Variants in SERPINA1 observed in about 807,000 individuals in gnomAD.
The protein encoded by SERPINA1 is serpin family A member 1.
In SERPINA1, 21 loss-of-function variants were observed where a neutral mutation model predicts 25.4. The observed-to-expected ratio is 0.83, with a 90% CI of 0.59 to 1.19. The LOEUF is 1.19. Among genes scored for constraint, SERPINA1 ranks in the 50% most tolerant of loss-of-function variants. The pLI, the probability that SERPINA1 is intolerant of heterozygous loss-of-function variation, is 0.00. For synonymous variants in SERPINA1, 218 were observed against 211.1 expected (o/e 1.03, Z -0.29); for missense variants, 546 against 509.0 (o/e 1.07, Z -0.70).
chr14:94,378,084 G>A lies in SERPINA1; in HGVS notation c.*365C>T, dbSNP rs1375472055. 2 of 285,736 alleles carry A rather than the reference G, an allele frequency of 7.0e-6. No individual in the cohort carries two copies. The highest frequency in any genetic ancestry group is 1.3e-5 in the Non-Finnish European group (2 of 150,678). 17.7% of individuals were successfully genotyped at this position (285,736 alleles called of 1,614,324 possible). A position where few individuals can be genotyped will look rare whatever the true frequency, so the allele number is the denominator to read the frequency against. On this transcript the variant is annotated 3_prime_UTR_variant, in exon 5 of 5. Transcript: ENST00000393087. ...ATGAAGATGCTTGGTGGAGCCTGGG[G>A]TCATGGCTGGTATCTGGTTCCTCCC... is the stretch of plus-strand genomic sequence containing the variant.
At chr14:94,382,510 A>G in intron 2 of SERPINA1, 82 bp downstream of exon 2, 2 of 1,561,390 alleles carry the variant, frequency 1.3e-6, no homozygotes, top group Non-Finnish European at 1.8e-6. Flanking sequence ...ATGCATTGCC[A>G]AGGAGAGTTC....
At position 94,382,971 on chromosome 14, in the gene SERPINA1, G is replaced by A; in HGVS notation, c.267C>T (p.Ser89=). Reference sequence around the variant, plus strand: ...CGTGAGTGTCAGCCTTGGTCCCCAGGGAGAGCATTGCAAAGGCTGTAGCGA... The same window carrying A: ...CGTGAGTGTCAGCCTTGGTCCCCAGAGAGAGCATTGCAAAGGCTGTAGCGA... ...VSIATAFAML[S]LGTKADTHDE... Residue 89 remains serine (S), a synonymous_variant, in exon 2 of 5, where the codon TCC becomes TCT. Transcript: ENST00000393087. 1 of 1,608,218 alleles carries A rather than the reference G, an allele frequency of 6.2e-7. No individual in the cohort carries two copies. The highest frequency in any genetic ancestry group is 8.5e-7 in the Non-Finnish European group (1 of 1,175,542).
intron 1 of SERPINA1, among the ~76,000 whole-genome samples, chr14:94,384,738 GA>G (rs1341516679): frequency 1.3e-5 from 2 of 152,052 alleles, no homozygotes; most frequent in Non-Finnish European, 2.9e-5. Flanking sequence ...AAAATACAAA[GA>G]AAAAGGTGTC....
Position 94,381,114 on chromosome 14 carries a change from T to C in SERPINA1, c.674A>G (p.Lys225Arg). 6.2e-7 allele frequency: 1 copy of C among 1,613,340 alleles called. No homozygotes were observed. ...GTGGAAGTCCTCTTCCTCGGTGTCC[T>C]TGACTTCAAAGGGTCTCTCCCATTT... ...KGKWERPFEV[K>R]DTEEEDFHVD... The change falls in exon 3 of 5, where the codon AAG becomes AGG. Residue 225 changes from lysine to arginine, a missense_variant. Lys to Arg is a conservative substitution (Grantham distance 26, BLOSUM62 2). Coordinates refer to ENST00000393087, the MANE Select transcript of SERPINA1 (RefSeq NM_000295.5).
chr14:94,389,024 G>C (rs1233428680), upstream of SERPINA1: 1 of 152,298 alleles, frequency 6.6e-6, no homozygotes, highest in Non-Finnish European at 1.5e-5. Flanking sequence ...GGAGATCAGA[G>C]TGGGTTAGAG....
chr14:94,386,317 C>T (rs1247043032), intron 1 of SERPINA1, among the ~76,000 whole-genome samples: 2 of 152,126 alleles, frequency 1.3e-5, no homozygotes, highest in African/African-American at 2.4e-5. Flanking sequence ...GACAGGGAAG[C>T]GAGCCACTCC....
chr14:94,380,399 C>A (rs114991578), intron 3 of SERPINA1, among the ~76,000 whole-genome samples: 1,555 of 152,346 alleles, frequency 0.01, 21 homozygotes, highest in African/African-American at 0.035. Flanking sequence ...CTTCTGCGAA[C>A]ATGGCCTGGC....
Position 94,379,462 on chromosome 14 carries a change from A to C in SERPINA1, c.1065+2T>G, listed in dbSNP as rs879042153. 6.2e-7 allele frequency: 1 copy of C among 1,613,950 alleles called. No individual in the cohort carries two copies. The highest frequency in any genetic ancestry group is 8.5e-7 in the Non-Finnish European group (1 of 1,180,008). ...GCAACAAGGTCGTCAGGGTGATCTC[A>C]CCTTGGAGAGCTTCAGGGGTGCCTC... On this transcript the variant is annotated splice_donor_variant, in intron 4 of 4. Transcript: ENST00000393087. LOFTEE classifies it high-confidence loss of function.
In SERPINA1 at chr14:94,380,955, A is replaced by G. The variant is rs1566753480; in HGVS notation, c.833T>C (p.Leu278Pro). Residue 278 changes from leucine to proline, a missense_variant, in exon 3 of 5, where the codon CTG becomes CCG. Physicochemically the swap from Leu to Pro is moderately conservative, Grantham distance 98. Coordinates refer to ENST00000393087, the MANE Select transcript of SERPINA1 (RefSeq NM_000295.5). Reference sequence around the variant, plus strand: ...GTGCTGTAGTTTCCCCTCATCAGGCAGGAAGAAGATGGCGGTGGCATTGCC... The same window carrying G: ...GTGCTGTAGTTTCCCCTCATCAGGCGGGAAGAAGATGGCGGTGGCATTGCC... Reference protein sequence around the residue: ...YLGNATAIFFLPDEGKLQHLE... With the variant: ...YLGNATAIFFPPDEGKLQHLE... 1.2e-6 allele frequency: 2 copies of G among 1,614,198 alleles called. No homozygotes were observed. Among genetic ancestry groups the G allele is most frequent in the Non-Finnish European group, 1.7e-6 (2 of 1,180,022 alleles).
chr14:94,378,621 A>G lies in SERPINA1; in HGVS notation c.1085T>C (p.Leu362Pro), dbSNP rs1378650955. The change falls in exon 5 of 5, where the codon CTG becomes CCG. Residue 362 changes from leucine to proline, a missense_variant. Physicochemically the swap from Leu to Pro is moderately conservative, Grantham distance 98. Coordinates refer to ENST00000393087, the MANE Select transcript of SERPINA1 (RefSeq NM_000295.5). ...KLSKAVHKAV[L>P]TIDEKGTEAA... is the part of the protein sequence containing the mutation. ...TTCAGTCCCTTTCTCGTCGATGGTC[A>G]GCACAGCCTTATGCACGGCCTGGAG... 2 of 1,614,088 alleles carry G rather than the reference A, an allele frequency of 1.2e-6. No individual in the cohort carries two copies. The highest frequency in any genetic ancestry group is 2.7e-5 in the African/African-American group (2 of 74,928).
At position 94,378,371 on chromosome 14, in the gene SERPINA1, G is replaced by T. The variant is rs113201712; in HGVS notation, c.*78C>A. ...GGATTTACAGTCACATGCAGGCAGG[G>T]ACCAGCTCAACCCTTCTTTAATGTC... On this transcript the variant is annotated 3_prime_UTR_variant, in exon 5 of 5. Coordinates refer to ENST00000393087, the MANE Select transcript of SERPINA1 (RefSeq NM_000295.5). The T allele has an allele frequency of 8.0e-7, 1 of 1,250,186 alleles. No individual in the cohort carries two copies. Among genetic ancestry groups the T allele is most frequent in the Non-Finnish European group, 1.2e-6 (1 of 850,984 alleles). The allele number at this position is 1,250,186 out of a possible 1,614,324, so 77.4% of individuals were successfully genotyped here.
Position 94,378,575 on chromosome 14 carries a change from T to TA in SERPINA1, c.1130dup (p.Leu377PhefsTer24), listed in dbSNP as rs763023697. 8.1e-6 allele frequency: 13 copies of TA among 1,614,050 alleles called. No individual in the cohort carries two copies. Among genetic ancestry groups the TA allele is most frequent in the Admixed American group, 1.7e-5 (1 of 60,006 alleles). ...GGGGGATAGACATGGGTATGGCCTC[T>TA]AAAAACATGGCCCCAGCAGCTTCAG... On this transcript the variant is annotated frameshift_variant, in exon 5 of 5. Transcript: ENST00000393087. LOFTEE classifies it low-confidence loss of function (END_TRUNC).
chr14:94,382,607 A>G lies in SERPINA1; in HGVS notation c.631T>C (p.Tyr211His), dbSNP rs864622052. The change falls in exon 2 of 5, where the codon TAC becomes CAC. Residue 211 changes from tyrosine (Y) to histidine (H), a missense_variant. Tyr to His is a moderately conservative substitution (Grantham distance 83). Coordinates refer to ENST00000393087, the MANE Select transcript of SERPINA1 (RefSeq NM_000295.5). Reference sequence around the variant, plus strand: ...GCAACCTTACCTTTAAAGAAGATGTAATTCACCAGAGCAAAAACTGTGTCT... The same window carrying G: ...GCAACCTTACCTTTAAAGAAGATGTGATTCACCAGAGCAAAAACTGTGTCT... Reference protein sequence around the residue: ...DRDTVFALVNYIFFKGKWERP... With the variant: ...DRDTVFALVNHIFFKGKWERP... The G allele has an allele frequency of 6.2e-7, 1 of 1,614,192 alleles. No individual in the cohort carries two copies. The highest frequency in any genetic ancestry group is 8.5e-7 in the Non-Finnish European group (1 of 1,180,030).
In SERPINA1 at chr14:94,387,495, C is replaced by T. The variant is rs1408766799; in HGVS notation, c.-5+1065G>A. ...TGCAGGAAAAATTAAATCCTTCCAA[C>T]ACTTCAGAGATCAAGGTCGGGTGGG... On this transcript the variant is annotated intron_variant, in intron 1 of 4. Transcript: ENST00000393087. Among the ~76,000 whole-genome samples the T allele has an allele frequency of 2.0e-5, 3 of 152,144 alleles. No individual in the cohort carries two copies. In the East Asian group the frequency reaches 5.8e-4, roughly 29 times the overall value.
intron 4 of SERPINA1, 89 bp downstream of exon 4, chr14:94,379,375 C>G (rs1896668143): frequency 6.4e-6 from 10 of 1,572,488 alleles, no homozygotes; most frequent in Non-Finnish European, 8.7e-6. Context: ...TCCCTCGGCC[C>G]CTTCCTCAGC....
chr14:94,382,662 T>C lies in SERPINA1; in HGVS notation c.576A>G (p.Lys192=). ...NDYVEKGTQG[K]IVDLVKELDR... ...CAAGCTCCTTGACCAAATCCACAAT[T>C]TTCCCTTGAGTACCCTTCTCCACGT... Residue 192 remains lysine, a synonymous_variant, in exon 2 of 5, where the codon AAA becomes AAG. Transcript: ENST00000393087. The C allele has an allele frequency of 1.9e-6, 3 of 1,614,246 alleles. No individual in the cohort carries two copies. The highest frequency in any genetic ancestry group is 2.5e-6 in the Non-Finnish European group (3 of 1,180,050).
intron 4 of SERPINA1, chr14:94,379,175 G>A: frequency 1.7e-6 from 1 of 597,696 alleles, no homozygotes; most frequent in Non-Finnish European, 3.0e-6. Context: ...TGTCAGTATG[G>A]ATAAATCAAG....
Position 94,380,903 on chromosome 14 carries a change from G to T in SERPINA1, c.885C>A (p.Ile295=). ...QHLENELTHD[I]ITKFLENEDR... is the part of the protein sequence containing the mutation. ...CTTCATTTTCCAGGAACTTGGTGAT[G>T]ATATCGTGGGTGAGTTCATTTTCCA... Residue 295 remains isoleucine, a synonymous_variant, in exon 3 of 5, where the codon ATC becomes ATA. Transcript: ENST00000393087. The T allele has an allele frequency of 3.1e-6, 5 of 1,614,214 alleles. No individual in the cohort carries two copies. The highest frequency in any genetic ancestry group is 4.2e-6 in the Non-Finnish European group (5 of 1,180,038).
intron 1 of SERPINA1, among the ~76,000 whole-genome samples, chr14:94,385,485 C>T (rs971347560): frequency 1.3e-5 from 2 of 152,230 alleles, no homozygotes; most frequent in African/African-American, 2.4e-5. Flanking sequence ...TGTGCCACCA[C>T]GCCTGGCTAA....
Sources: allele counts gnomAD v4.1 joint callset (sites outside exome capture counted in the v4.1 genomes callset), GRCh38; gene constraint gnomAD v4.1.1; transcripts MANE v1.5; gene names NCBI Gene and HGNC (gene_info 2026-07-23, HGNC 2026-07-21).